The following NAALADL2 variants were observed in gnomAD, a reference collection of about 807,000 sequenced individuals.
The protein encoded by NAALADL2 is inactive N-acetylated-alpha-linked acidic dipeptidase-like protein 2.
A neutral mutation model predicts 87.2 loss-of-function variants in NAALADL2; 76 were observed. That is an observed-to-expected ratio of 0.87 (90% confidence interval 0.72 to 1.05). The LOEUF is 1.05. NAALADL2 is among the 50% of genes least tolerant of loss of function. The pLI, the probability that NAALADL2 is intolerant of heterozygous loss-of-function variation, is 0.00. For synonymous variants in NAALADL2, 354 were observed against 331.0 expected (o/e 1.07, Z -0.75); for missense variants, 1,089 against 945.8 (o/e 1.15, Z -1.99).
intron 5 of NAALADL2, among the ~76,000 whole-genome samples, chr3:175,371,612 G>A (rs1174473497): frequency 3.3e-5 from 5 of 151,900 alleles, no homozygotes; most frequent in Non-Finnish European, 2.9e-5. Context: ...ATCACCTGAG[G>A]TCAGGAGATC....
chr3:175,467,909 TAGAA>T (rs1224536562), intron 8 of NAALADL2, among the ~76,000 whole-genome samples: 3 of 152,140 alleles, frequency 2.0e-5, no homozygotes, highest in Admixed American at 6.5e-5. Context: ...ATTGGATTGA[TAGAA>T]AGTCTATTTA....
At chr3:175,349,207 TAAA>T (rs577690261) in intron 5 of NAALADL2, among the ~76,000 whole-genome samples, 1 of 136,068 alleles carries the variant, frequency 7.3e-6, no homozygotes, top group Non-Finnish European at 1.6e-5. Flanking sequence ...CAACTGCTAT[TAAA>T]AAAAAAAAAA....
intron 11 of NAALADL2, among the ~76,000 whole-genome samples, chr3:175,656,918 C>A (rs1384235612): frequency 6.6e-6 from 1 of 152,054 alleles, no homozygotes; most frequent in Non-Finnish European, 1.5e-5. Flanking sequence ...ACCGTCATGG[C>A]CATTATAATT....
At chr3:175,548,385 C>T (rs769265070) in intron 9 of NAALADL2, among the ~76,000 whole-genome samples, 2 of 151,974 alleles carry the variant, frequency 1.3e-5, no homozygotes, top group Non-Finnish European at 2.9e-5. Context: ...GAACAACACA[C>T]ACTGGGACCT....
At chr3:175,782,024 AG>A (rs1326576265) in intron 13 of NAALADL2, among the ~76,000 whole-genome samples, 1 of 151,352 alleles carries the variant, frequency 6.6e-6, no homozygotes, top group East Asian at 1.9e-4. Context: ...GTCCCTACAA[AG>A]GACATGAACT....
chr3:175,761,606 T>C (rs1041479405), intron 13 of NAALADL2, among the ~76,000 whole-genome samples: 3 of 152,166 alleles, frequency 2.0e-5, no homozygotes, highest in Non-Finnish European at 4.4e-5. Flanking sequence ...TATATCATTT[T>C]TCTTGTCCAC....
chr3:175,045,978 G>C (rs1328349334), intron 1 of NAALADL2, among the ~76,000 whole-genome samples: 1 of 151,274 alleles, frequency 6.6e-6, no homozygotes, highest in African/African-American at 2.4e-5. Flanking sequence ...CACTCAACAA[G>C]AACCTCCTAA....
intron 1 of NAALADL2, among the ~76,000 whole-genome samples, chr3:174,547,603 TA>T (rs1711549093): frequency 6.6e-6 from 1 of 152,074 alleles, no homozygotes; most frequent in Non-Finnish European, 1.5e-5. Context: ...ATTCTACACA[TA>T]AAAGTCATTT....
At chr3:174,508,622 T>G (rs1174034581) in intron 1 of NAALADL2, among the ~76,000 whole-genome samples, 1 of 152,240 alleles carries the variant, frequency 6.6e-6, no homozygotes, top group African/African-American at 2.4e-5. Flanking sequence ...GTTGTTGTCT[T>G]TTCACTTATT....
At chr3:175,388,148 G>A (rs190626566) in intron 5 of NAALADL2, among the ~76,000 whole-genome samples, 23 of 152,228 alleles carry the variant, frequency 1.5e-4, no homozygotes, top group Non-Finnish European at 2.1e-4. Context: ...CAATATCTGA[G>A]TTGATTAGTA....
chr3:174,800,711 C>T (rs1328317662), intron 3 of NAALADL2, among the ~76,000 whole-genome samples: 1 of 152,168 alleles, frequency 6.6e-6, no homozygotes, highest in Admixed American at 6.5e-5. Context: ...GGAAAAGCTG[C>T]ATATGCTAAA....
chr3:174,856,578 T>A (rs1159312843), upstream of NAALADL2, among the ~76,000 whole-genome samples: 1 of 152,172 alleles, frequency 6.6e-6, no homozygotes, highest in East Asian at 1.9e-4. Context: ...ACTTTCATGG[T>A]AATTTGGTGC....
intron 11 of NAALADL2, among the ~76,000 whole-genome samples, chr3:175,665,305 C>T (rs939323671): frequency 6.6e-6 from 1 of 152,182 alleles, no homozygotes; most frequent in Non-Finnish European, 1.5e-5. Flanking sequence ...AAATGAGTAT[C>T]TTTTAAAATA....
chr3:175,426,591 A>T (rs1397899434), intron 5 of NAALADL2, among the ~76,000 whole-genome samples: 1 of 152,188 alleles, frequency 6.6e-6, no homozygotes, highest in Non-Finnish European at 1.5e-5. Context: ...ATTTATGGCA[A>T]TTCAACGTTT....
intron 1 of NAALADL2, among the ~76,000 whole-genome samples, chr3:174,527,717 A>G (rs1720890915): frequency 6.6e-6 from 1 of 152,182 alleles, no homozygotes; most frequent in South Asian, 2.1e-4. Flanking sequence ...ATTTACATGG[A>G]TAATATAAAA....
intron 3 of NAALADL2, among the ~76,000 whole-genome samples, chr3:174,802,068 T>C (rs1256914789): frequency 6.6e-6 from 1 of 152,030 alleles, no homozygotes; most frequent in East Asian, 1.9e-4. Flanking sequence ...TTTAAAAAAC[T>C]TTTCTTTCAA....
intron 2 of NAALADL2, among the ~76,000 whole-genome samples, chr3:174,576,053 G>C (rs1434080071): frequency 6.6e-6 from 1 of 152,060 alleles, no homozygotes; most frequent in Non-Finnish European, 1.5e-5. Context: ...AGTAGAGACA[G>C]GGCTTTGCCA....
In NAALADL2 at chr3:175,371,331, T is replaced by C. The variant is rs761307957; in HGVS notation, c.1090+47006T>C. Among the ~76,000 whole-genome samples, 13 of 152,104 alleles carry C rather than the reference T, an allele frequency of 8.5e-5. No individual in the cohort carries two copies. The South Asian group carries it at 2.7e-3, about 32-fold the overall frequency. ...CGCCCAGGCCGGACTGCAGTGGCGC[T>C]ATCTCGGCTCACTGCAAGCTCCGCC... is the stretch of plus-strand genomic sequence containing the variant. On this transcript the variant is annotated intron_variant, in intron 5 of 13. Transcript: ENST00000454872.
intron 2 of NAALADL2, among the ~76,000 whole-genome samples, chr3:175,162,423 A>T (rs2108851106): frequency 6.6e-6 from 1 of 152,278 alleles, no homozygotes; most frequent in Non-Finnish European, 1.5e-5. Flanking sequence ...TTATAAATCA[A>T]ATAATGTTTA....
Sources: gnomAD v4.1 joint callset for allele counts (sites outside exome capture counted in the v4.1 genomes callset) on GRCh38, gnomAD v4.1.1 for gene constraint, MANE v1.5 for transcripts, NCBI Gene and HGNC (gene_info 2026-07-23, HGNC 2026-07-21) for gene names.